Variants in FAM168A observed in about 807,000 individuals in gnomAD.
FAM168A encodes the protein protein FAM168A.
Under a neutral mutation model 28.5 loss-of-function variants are expected in FAM168A, and 3 were observed. That is an observed-to-expected ratio of 0.11 (90% CI 0.05 to 0.27). The LOEUF (loss-of-function observed/expected upper bound fraction) is 0.27, where lower values mean the gene tolerates loss of function less well. FAM168A is among the 10% of genes least tolerant of loss of function. The pLI is 1.00. For synonymous variants in FAM168A, 122 were observed against 124.2 expected, an observed-to-expected ratio of 0.98 and a Z score of 0.12; for missense variants, 222 against 311.5, an observed-to-expected ratio of 0.71 and a Z score of 2.16.
At chr11:73,492,713 G>A (rs1301510043) in intron 1 of FAM168A, among the ~76,000 whole-genome samples, 4 of 151,968 alleles carry the variant, frequency 2.6e-5, no homozygotes, top group Non-Finnish European at 4.4e-5. Context: ...TCACTTAGAG[G>A]TGGCACAGAT....
chr11:73,415,577 A>G (rs1312920015), intron 4 of FAM168A, among the ~76,000 whole-genome samples: 1 of 152,240 alleles, frequency 6.6e-6, no homozygotes, highest in Admixed American at 6.5e-5. Context: ...TGAGTATTTC[A>G]GAAGACTTTC....
intron 1 of FAM168A, among the ~76,000 whole-genome samples, chr11:73,520,239 G>A (rs1943358883): frequency 6.6e-6 from 1 of 151,550 alleles, no homozygotes; most frequent in Admixed American, 6.6e-5. Context: ...TAGTAGAGAT[G>A]GGGTTTCACC....
At chr11:73,523,138 G>A (rs11235791) in intron 1 of FAM168A, among the ~76,000 whole-genome samples, 12,217 of 152,186 alleles carry the variant, frequency 0.08, 576 homozygotes, top group Admixed American at 0.11. Flanking sequence ...GCTTTCTCTA[G>A]AGCAGAAAGG....
chr11:73,575,625 T>G (rs1944162626), intron 1 of FAM168A, among the ~76,000 whole-genome samples: 1 of 152,138 alleles, frequency 6.6e-6, no homozygotes, highest in Non-Finnish European at 1.5e-5. Context: ...ATCCCAGCAC[T>G]TTGGGAGGCT....
Position 73,579,877 on chromosome 11 carries a change from A to G in FAM168A, c.-19+18046T>C, listed in dbSNP as rs1944223729. On this transcript the variant is annotated intron_variant, in intron 1 of 7. Coordinates refer to ENST00000356467, the MANE Select transcript of FAM168A (RefSeq NM_015159.3). Reference sequence around the variant, plus strand: ...TTTCTAGTTCAGCTGGTTGCTATCCAAGCCACTCAGAAGCAAACTCAATAA... The same window carrying G: ...TTTCTAGTTCAGCTGGTTGCTATCCGAGCCACTCAGAAGCAAACTCAATAA... Among the ~76,000 whole-genome samples the G allele has an allele frequency of 1.3e-5, 2 of 152,244 alleles. 1 individual carries two copies. Among genetic ancestry groups the G allele is most frequent in the Non-Finnish European group, 2.9e-5 (2 of 68,046 alleles).
Position 73,409,484 on chromosome 11 carries a change from C to G in FAM168A, c.595+3G>C. On this transcript the variant is annotated splice_donor_region_variant and intron_variant, in intron 6 of 7. Coordinates refer to ENST00000356467, the MANE Select transcript of FAM168A (RefSeq NM_015159.3). Reference sequence around the variant, plus strand: ...TGGACACTGATGCAGATGCTGCCCTCACCTGCTGACATTGCCATGGTGGTG... The same window carrying G: ...TGGACACTGATGCAGATGCTGCCCTGACCTGCTGACATTGCCATGGTGGTG... The G allele has an allele frequency of 6.2e-7, 1 of 1,613,624 alleles. No homozygotes were observed. The highest frequency in any genetic ancestry group is 8.5e-7 in the Non-Finnish European group (1 of 1,179,812).
intron 2 of FAM168A, among the ~76,000 whole-genome samples, chr11:73,439,435 G>C (rs764294495): frequency 8.5e-5 from 13 of 152,266 alleles, no homozygotes; most frequent in African/African-American, 2.9e-4. Context: ...GCACAGAAAG[G>C]CTGCTAAAAC....
At chr11:73,555,599 T>C (rs1293494298) in intron 1 of FAM168A, among the ~76,000 whole-genome samples, 1 of 151,638 alleles carries the variant, frequency 6.6e-6, no homozygotes, top group African/African-American at 2.4e-5. Context: ...AACCAGCTAC[T>C]TGGATGGTTG....
At chr11:73,484,700 A>C (rs1329176368) in intron 1 of FAM168A, among the ~76,000 whole-genome samples, 3 of 142,028 alleles carry the variant, frequency 2.1e-5, no homozygotes, top group African/African-American at 5.4e-5. Context: ...ATATAGATAT[A>C]GATATATATA....
In FAM168A at chr11:73,486,646, T is replaced by G. The variant is rs541008317; in HGVS notation, c.-18-18154A>C. Among the ~76,000 whole-genome samples, 238 of 152,282 alleles carry G rather than the reference T, an allele frequency of 1.6e-3. 1 individual carries two copies. The highest frequency in any genetic ancestry group is 5.3e-3 in the African/African-American group (219 of 41,556). ...TAAAATTAAAAGCTCACTGTAGAAT[T>G]TTTCCCCTCCTGTGCCACTGAGATT... is the stretch of plus-strand genomic sequence containing the variant. On this transcript the variant is annotated intron_variant, in intron 1 of 7. Coordinates refer to ENST00000356467, the MANE Select transcript of FAM168A (RefSeq NM_015159.3).
intron 1 of FAM168A, among the ~76,000 whole-genome samples, chr11:73,514,858 C>CATCT (rs1217436506): frequency 1.3e-5 from 2 of 151,994 alleles, no homozygotes; most frequent in East Asian, 3.9e-4. Flanking sequence ...TCCATCCATC[C>CATCT]ATCCATCCAT....
At chr11:73,416,673 A>C (rs1866699744) in intron 4 of FAM168A, among the ~76,000 whole-genome samples, 1 of 152,196 alleles carries the variant, frequency 6.6e-6, no homozygotes, top group African/African-American at 2.4e-5. Context: ...AGGTTTATAC[A>C]TTACTTGCTT....
At chr11:73,548,807 A>AT (rs555609112) in intron 1 of FAM168A, among the ~76,000 whole-genome samples, 3 of 151,034 alleles carry the variant, frequency 2.0e-5, no homozygotes, top group Admixed American at 6.6e-5. Context: ...AGGCCAGACA[A>AT]TTTTTTTTTG....
At chr11:73,475,608 C>T (rs1388802916) in intron 1 of FAM168A, among the ~76,000 whole-genome samples, 2 of 151,836 alleles carry the variant, frequency 1.3e-5, no homozygotes, top group South Asian at 2.1e-4. Flanking sequence ...AACCCTTTCC[C>T]CCAAAAGCAA....
At chr11:73,477,455 C>T (rs1867903826) in intron 1 of FAM168A, among the ~76,000 whole-genome samples, 1 of 151,440 alleles carries the variant, frequency 6.6e-6, no homozygotes, top group Admixed American at 6.6e-5. Context: ...TTGATTAAGA[C>T]AACAACAACA....
In FAM168A at chr11:73,427,084, C is replaced by T. The variant is rs568828216; in HGVS notation, c.151+3606G>A. Among the ~76,000 whole-genome samples the T allele has an allele frequency of 6.6e-5, 10 of 152,098 alleles. No homozygotes were observed. The South Asian group carries it at 1.7e-3, about 25-fold the overall frequency. ...TTGGCTCACTGCAACCTCCGCCTCC[C>T]GGGTTCAAGCAATTCTCCTGCCTCA... On this transcript the variant is annotated intron_variant, in intron 3 of 7. Coordinates refer to ENST00000356467, the MANE Select transcript of FAM168A (RefSeq NM_015159.3).
intron 1 of FAM168A, among the ~76,000 whole-genome samples, chr11:73,551,480 T>C (rs1943828217): frequency 6.6e-6 from 1 of 152,210 alleles, no homozygotes; most frequent in Non-Finnish European, 1.5e-5. Context: ...TATAGCACAA[T>C]TACAAAAATA....
At chr11:73,446,297 A>T (rs1867313152) in intron 2 of FAM168A, among the ~76,000 whole-genome samples, 1 of 152,226 alleles carries the variant, frequency 6.6e-6, no homozygotes, top group Admixed American at 6.5e-5. Flanking sequence ...AAAGGAAAGA[A>T]CATTTCCTAA....
At chr11:73,581,444 T>C (rs969450754) in intron 1 of FAM168A, among the ~76,000 whole-genome samples, 1 of 152,224 alleles carries the variant, frequency 6.6e-6, no homozygotes, top group Non-Finnish European at 1.5e-5. Flanking sequence ...AAGGTGGATA[T>C]AGATATGACT....
Sources: gnomAD v4.1 joint callset for allele counts (sites outside exome capture counted in the v4.1 genomes callset) on GRCh38, gnomAD v4.1.1 for gene constraint, MANE v1.5 for transcripts, NCBI Gene and HGNC (gene_info 2026-07-23, HGNC 2026-07-21) for gene names.